The following RANBP2 variants were observed in gnomAD, a reference collection of about 807,000 sequenced individuals.
RANBP2 encodes the protein RAN binding protein 2.
RANBP2 carries 57 observed loss-of-function variants against 303.6 expected under a neutral mutation model. That is an observed-to-expected ratio of 0.19 (90% CI 0.15 to 0.23). RANBP2 has a LOEUF of 0.23. Ranked by LOEUF, RANBP2 falls within the 10% of genes least tolerant of loss-of-function variation. The pLI, the probability that RANBP2 is intolerant of heterozygous loss-of-function variation, is 1.00. For synonymous variants in RANBP2, 1,167 were observed against 1,301.5 expected, an observed-to-expected ratio of 0.90 and a Z score of 2.23; for missense variants, 3,138 against 3,780.8, an observed-to-expected ratio of 0.83 and a Z score of 4.46.
At chr2:109,735,252 C>G in the RANBP2 span, among the ~76,000 whole-genome samples, 1 of 152,158 alleles carries the variant, frequency 6.6e-6, no homozygotes, top group Non-Finnish European at 1.5e-5. Context: ...TAAGTGAGAA[C>G]ATGTGGTATT....
intron 6 of RANBP2, 108 bp downstream of exon 6, chr2:108,736,357 C>G: frequency 1.9e-6 from 3 of 1,595,428 alleles, no homozygotes; most frequent in Non-Finnish European, 2.6e-6. Context: ...TATAATGTAC[C>G]TAGGAGTTAT....
the RANBP2 span, among the ~76,000 whole-genome samples, chr2:109,246,449 G>A: frequency 6.6e-6 from 1 of 151,972 alleles, no homozygotes. Context: ...CCTCCCCAAA[G>A]GCCTCAGCTC....
At chr2:109,628,456 T>C in the RANBP2 span, among the ~76,000 whole-genome samples, 1 of 151,808 alleles carries the variant, frequency 6.6e-6, no homozygotes, top group East Asian at 1.9e-4. Context: ...ATCGCGCCAC[T>C]GCACTCCAGC....
the RANBP2 span, chr2:109,617,873 G>A: frequency 6.3e-6 from 1 of 159,644 alleles, no homozygotes; most frequent in African/African-American, 2.4e-5. Flanking sequence ...ACAAAAATTA[G>A]CCGAGCGTGG....
At chr2:108,916,906 C>G in the RANBP2 span, among the ~76,000 whole-genome samples, 6 of 152,186 alleles carry the variant, frequency 3.9e-5, no homozygotes, top group African/African-American at 1.4e-4. Context: ...ATCACAGTCA[C>G]TAGATCATTG....
At chr2:109,557,905 G>A in the RANBP2 span, among the ~76,000 whole-genome samples, 1 of 136,602 alleles carries the variant, frequency 7.3e-6, no homozygotes, top group African/African-American at 2.8e-5. Context: ...GGATCATCCT[G>A]CCTCTACCAC....
chr2:109,769,386 CAT>C, the RANBP2 span, among the ~76,000 whole-genome samples: 3 of 87,234 alleles, frequency 3.4e-5, 1 homozygote, highest in Non-Finnish European at 6.8e-5. Context: ...AGAATGTTTG[CAT>C]ATAGGATGGA....
At chr2:108,798,416 A>G in the RANBP2 span, 1 of 1,600,804 alleles carries the variant, frequency 6.2e-7, no homozygotes, top group Non-Finnish European at 8.5e-7. Flanking sequence ...AAAGTCTGGC[A>G]TTTTGATACA....
the RANBP2 span, among the ~76,000 whole-genome samples, chr2:109,104,212 C>G: frequency 2.0e-5 from 3 of 152,128 alleles, no homozygotes; most frequent in African/African-American, 7.2e-5. Flanking sequence ...GGCCTGCTAT[C>G]TGTCATGTGA....
chr2:109,717,600 A>AAAC, the RANBP2 span, among the ~76,000 whole-genome samples: 8 of 150,250 alleles, frequency 5.3e-5, no homozygotes, highest in African/African-American at 9.8e-5. Context: ...AAAAACAACA[A>AAAC]AACAACAACA....
the RANBP2 span, among the ~76,000 whole-genome samples, chr2:108,964,585 T>C: frequency 1.3e-5 from 2 of 152,200 alleles, no homozygotes; most frequent in Non-Finnish European, 2.9e-5. Context: ...GATAATCTTT[T>C]AACAACAAAG....
the RANBP2 span, among the ~76,000 whole-genome samples, chr2:109,687,423 C>T: frequency 6.6e-6 from 1 of 152,160 alleles, no homozygotes; most frequent in African/African-American, 2.4e-5. Flanking sequence ...AGAACCAGCT[C>T]CTCTCTGAGG....
chr2:109,493,344 C>T, the RANBP2 span, among the ~76,000 whole-genome samples: 4 of 136,820 alleles, frequency 2.9e-5, no homozygotes, highest in South Asian at 2.3e-4. Flanking sequence ...ACCCCACATA[C>T]GTCATACAAA....
the RANBP2 span, chr2:109,617,954 G>A: frequency 6.1e-6 from 1 of 164,552 alleles, no homozygotes; most frequent in African/African-American, 2.5e-5. Context: ...GAGAGGTGGA[G>A]GTTGCAGTTG....
At chr2:109,046,228 C>T in the RANBP2 span, among the ~76,000 whole-genome samples, 6 of 149,786 alleles carry the variant, frequency 4.0e-5, no homozygotes, top group Non-Finnish European at 8.9e-5. Context: ...TGCTTGAACC[C>T]GGGAGGCGAA....
At chr2:109,177,452 G>C in the RANBP2 span, among the ~76,000 whole-genome samples, 2 of 152,204 alleles carry the variant, frequency 1.3e-5, no homozygotes, top group Non-Finnish European at 2.9e-5. Context: ...TGATCTGCCA[G>C]AGGGTTCATG....
chr2:109,505,865 G>A, the RANBP2 span, among the ~76,000 whole-genome samples: 1 of 152,142 alleles, frequency 6.6e-6, no homozygotes, highest in Non-Finnish European at 1.5e-5. Flanking sequence ...GAAGAGGAGA[G>A]CCAGAGGAAA....
the RANBP2 span, among the ~76,000 whole-genome samples, chr2:109,682,799 A>G: frequency 2.0e-5 from 3 of 152,106 alleles, no homozygotes; most frequent in Middle Eastern, 6.8e-3. Context: ...GTATCAAAAA[A>G]CCCAACCCAT....
the RANBP2 span, among the ~76,000 whole-genome samples, chr2:109,320,896 G>T: frequency 4.6e-5 from 7 of 152,298 alleles, no homozygotes; most frequent in Admixed American, 1.3e-4. Flanking sequence ...CATCACCTGG[G>T]TTAACCTTCT....
Sources: allele counts gnomAD v4.1 joint callset (sites outside exome capture counted in the v4.1 genomes callset), GRCh38; gene constraint gnomAD v4.1.1; transcripts MANE v1.5; gene names NCBI Gene and HGNC (gene_info 2026-07-23, HGNC 2026-07-21).